The following CASQ2 variants were observed in gnomAD, a reference collection of about 807,000 sequenced individuals.
CASQ2 encodes the protein calsequestrin-2.
In CASQ2, 49 loss-of-function variants were observed where a neutral mutation model predicts 46.5. The ratio of observed to expected loss-of-function variants is 1.05; its 90% CI spans 0.84 to 1.34. The LOEUF is 1.34. Among genes scored for constraint, CASQ2 ranks in the 40% most tolerant of loss-of-function variants. The pLI, the probability that CASQ2 is intolerant of heterozygous loss-of-function variation, is 0.00. For missense variants in CASQ2, 486 were observed against 481.3 expected, an observed-to-expected ratio of 1.01 and a Z score of -0.09; for synonymous variants, 174 against 168.5, an observed-to-expected ratio of 1.03 and a Z score of -0.25.
intron 7 of CASQ2, among the ~76,000 whole-genome samples, chr1:115,719,695 GA>G (rs1647301785): frequency 6.6e-6 from 1 of 152,118 alleles, no homozygotes; most frequent in Admixed American, 6.5e-5. Flanking sequence ...CACAGAGCCA[GA>G]ACCCATGGGC....
chr1:115,706,587 A>T (rs1383385952), intron 8 of CASQ2, among the ~76,000 whole-genome samples: 1 of 152,228 alleles, frequency 6.6e-6, no homozygotes, highest in Non-Finnish European at 1.5e-5. Context: ...GTATACACTC[A>T]AAATTGAAAT....
intron 7 of CASQ2, among the ~76,000 whole-genome samples, chr1:115,724,129 T>C (rs1275829352): frequency 6.6e-6 from 1 of 152,202 alleles, no homozygotes; most frequent in Admixed American, 6.5e-5. Flanking sequence ...TGGCCCCTTG[T>C]GGGGACATAG....
intron 7 of CASQ2, among the ~76,000 whole-genome samples, chr1:115,722,884 C>A (rs1414738846): frequency 6.6e-6 from 1 of 151,986 alleles, no homozygotes; most frequent in Non-Finnish European, 1.5e-5. Flanking sequence ...CCTGTCTCTA[C>A]TAAAAACACA....
intron 2 of CASQ2, among the ~76,000 whole-genome samples, chr1:115,743,099 G>C (rs10801966): frequency 6.6e-6 from 1 of 152,118 alleles, no homozygotes; most frequent in Non-Finnish European, 1.5e-5. Context: ...TTGACTCTAG[G>C]GAAAGAGTTT....
At chr1:115,752,257 T>C (rs1648608332) in intron 1 of CASQ2, among the ~76,000 whole-genome samples, 1 of 152,212 alleles carries the variant, frequency 6.6e-6, no homozygotes, top group Admixed American at 6.5e-5. Context: ...TGCTTTTCCT[T>C]TGCAACCATT....
chr1:115,704,536 C>G (rs1205488126), intron 9 of CASQ2, among the ~76,000 whole-genome samples: 1 of 152,176 alleles, frequency 6.6e-6, no homozygotes, highest in African/African-American at 2.4e-5. Flanking sequence ...TGCTTATTAT[C>G]AGTACCAGTA....
rs112179786 is a variant in CASQ2 at position 115,753,163 on chromosome 1, G to A, written c.235-8251C>T. Among the ~76,000 whole-genome samples the A allele has an allele frequency of 6.3e-3, 954 of 152,276 alleles. 8 individuals are homozygous for A. The highest frequency in any genetic ancestry group is 0.02 in the Middle Eastern group (6 of 294). On this transcript the variant is annotated intron_variant, in intron 1 of 10. Transcript: ENST00000261448. ...AGTCACGGCAGTCCAGCCCAGACCC[G>A]GAGGTGCTGATCTAGGGCTCGGGGG... is the stretch of plus-strand genomic sequence containing the variant.
intron 3 of CASQ2, among the ~76,000 whole-genome samples, chr1:115,740,097 G>A (rs758818394): frequency 1.1e-4 from 16 of 152,282 alleles, no homozygotes; most frequent in South Asian, 2.1e-4. Flanking sequence ...AAGAATCATC[G>A]GCATGGATGC....
intron 8 of CASQ2, among the ~76,000 whole-genome samples, chr1:115,711,811 T>C (rs12034182): frequency 0.59 from 88,773 of 151,734 alleles, 26,467 homozygotes; most frequent in African/African-American, 0.68. Flanking sequence ...CATGCTACCA[T>C]GCCCAGCTAA....
intron 3 of CASQ2, among the ~76,000 whole-genome samples, chr1:115,739,676 T>A (rs1648115328): frequency 6.6e-6 from 1 of 152,208 alleles, no homozygotes; most frequent in Non-Finnish European, 1.5e-5. Flanking sequence ...TTGAGAATAG[T>A]CAGCTTGAGG....
rs766697898 is a variant in CASQ2 at position 115,717,909 on chromosome 1, T to C, written c.784-15A>G. The C allele has an allele frequency of 3.8e-6, 6 of 1,576,564 alleles. No individual in the cohort carries two copies. The South Asian group carries it at 5.5e-5, about 15-fold the overall frequency. On this transcript the variant is annotated splice_polypyrimidine_tract_variant and intron_variant, in intron 7 of 10. Transcript: ENST00000261448. ...AAATCATCTTCCTGTATGAGAAAAGTAACAAAAGTTACACTTCCAGCTGGA... is the reference window on the plus strand; with the variant it reads ...AAATCATCTTCCTGTATGAGAAAAGCAACAAAAGTTACACTTCCAGCTGGA...
At chr1:115,748,562 G>A (rs1470638833) in intron 1 of CASQ2, among the ~76,000 whole-genome samples, 2 of 94,034 alleles carry the variant, frequency 2.1e-5, no homozygotes, top group Non-Finnish European at 4.1e-5. Context: ...TATTTTGCCT[G>A]TAACTAGGCA....
At chr1:115,721,669 C>T (rs2101072798) in intron 7 of CASQ2, among the ~76,000 whole-genome samples, 1 of 152,224 alleles carries the variant, frequency 6.6e-6, no homozygotes, top group African/African-American at 2.4e-5. Flanking sequence ...CTCCCAGGCT[C>T]AAAGGATGCT....
intron 5 of CASQ2, among the ~76,000 whole-genome samples, chr1:115,729,651 A>G (rs1189164084): frequency 6.6e-6 from 1 of 152,236 alleles, no homozygotes; most frequent in Non-Finnish European, 1.5e-5. Flanking sequence ...ATTTTCTGAC[A>G]TGTGCATGTA....
At chr1:115,767,620 C>T (rs892487632) in intron 1 of CASQ2, among the ~76,000 whole-genome samples, 2 of 151,998 alleles carry the variant, frequency 1.3e-5, no homozygotes, top group East Asian at 1.9e-4. Context: ...CTGGGGCACT[C>T]GCAAAGGATT....
intron 9 of CASQ2, 36 bp downstream of exon 9, chr1:115,705,156 G>T: frequency 1.5e-6 from 2 of 1,301,478 alleles, no homozygotes; most frequent in Non-Finnish European, 2.2e-6. Flanking sequence ...GGTTGTGACA[G>T]CAACTGAGGG....
chr1:115,701,469 G>A (rs759500992), intron 10 of CASQ2, 43 bp from the exon 11 acceptor site: 1 of 1,287,874 alleles, frequency 7.8e-7, no homozygotes, highest in East Asian at 2.3e-5. Context: ...AATGCATGAG[G>A]GCTGAACCAG....
chr1:115,725,042 A>G (rs775821632), intron 7 of CASQ2, among the ~76,000 whole-genome samples: 3 of 152,158 alleles, frequency 2.0e-5, no homozygotes, highest in Non-Finnish European at 4.4e-5. Context: ...TTAATTGAGC[A>G]TGAAGTTGTC....
At chr1:115,721,288 T>G (rs532887341) in intron 7 of CASQ2, among the ~76,000 whole-genome samples, 1 of 152,264 alleles carries the variant, frequency 6.6e-6, no homozygotes, top group East Asian at 1.9e-4. Flanking sequence ...GAATGACAGA[T>G]CAGCACTGGG....
Sources: gnomAD v4.1 joint callset for allele counts (sites outside exome capture counted in the v4.1 genomes callset) on GRCh38, gnomAD v4.1.1 for gene constraint, MANE v1.5 for transcripts, NCBI Gene and HGNC (gene_info 2026-07-23, HGNC 2026-07-21) for gene names.